LAMA3: variants seen among roughly 807,000 people sequenced by gnomAD.
LAMA3 encodes the protein laminin subunit alpha-3.
A neutral mutation model predicts 402.0 loss-of-function variants in LAMA3; 281 were observed. That is an observed-to-expected ratio of 0.70 (90% CI 0.63 to 0.77). The LOEUF (loss-of-function observed/expected upper bound fraction) is 0.77. LAMA3 is among the 30% of genes least tolerant of loss of function. The pLI, the probability that LAMA3 is intolerant of heterozygous loss-of-function variation, is 0.00. For synonymous variants in LAMA3, 1,431 were observed against 1,558.4 expected (o/e 0.92, Z 1.93); for missense variants, 3,840 against 4,215.5 (o/e 0.91, Z 2.47).
chr18:23,895,006 C>A lies in LAMA3; in HGVS notation c.5561C>A (p.Ala1854Glu). 1 of 1,612,802 alleles carries A rather than the reference C, an allele frequency of 6.2e-7. No individual in the cohort carries two copies. The highest frequency in any genetic ancestry group is 2.2e-5 in the East Asian group (1 of 44,816). ...KSQLQGLSASAGLLEQMRHME... is the reference protein window; with the variant it reads ...KSQLQGLSASEGLLEQMRHME... ...CAGCTGCAGGGCCTGAGTGCCAGCG[C>A]AGGGCTTCTGGAGCAGATGAGGCAC... The change falls in exon 44 of 75, where the codon GCA (alanine) becomes GAA (glutamate). Residue 1854 changes from alanine to glutamate, a missense_variant. By Grantham distance (107) the Ala-to-Glu change is moderately radical. Coordinates refer to ENST00000313654, the MANE Select transcript of LAMA3 (RefSeq NM_198129.4).
At chr18:23,847,355 T>C in intron 31 of LAMA3, 109 bp from the exon 32 acceptor site, 2 of 1,167,038 alleles carry the variant, frequency 1.7e-6, no homozygotes, top group Non-Finnish European at 2.5e-6. Flanking sequence ...ATCCAAATAT[T>C]TCTCTCTGAC....
chr18:23,699,082 G>T (rs1313981106), intron 1 of LAMA3, among the ~76,000 whole-genome samples: 1 of 151,842 alleles, frequency 6.6e-6, no homozygotes, highest in East Asian at 1.9e-4. Context: ...GAAAGGAGAT[G>T]ATGTTGGTGC....
At chr18:23,904,172 T>A in intron 50 of LAMA3, 85 bp downstream of exon 50, 1 of 1,522,452 alleles carries the variant, frequency 6.6e-7, no homozygotes, top group East Asian at 2.3e-5. Context: ...CTCCCCTGGG[T>A]TGGCTGGGTC....
intron 23 of LAMA3, among the ~76,000 whole-genome samples, chr18:23,833,207 A>G (rs1317482768): frequency 6.6e-6 from 1 of 152,216 alleles, no homozygotes; most frequent in Admixed American, 6.5e-5. Flanking sequence ...ATCATAGCAC[A>G]AAGACATCCC....
intron 62 of LAMA3, among the ~76,000 whole-genome samples, chr18:23,926,697 A>G (rs1335156635): frequency 1.3e-5 from 2 of 152,256 alleles, no homozygotes; most frequent in African/African-American, 4.8e-5. Context: ...TAAGAAACAC[A>G]AATATTTGCC....
At position 23,932,209 on chromosome 18, in the gene LAMA3, A is replaced by G; in HGVS notation, c.8626A>G (p.Lys2876Glu). ...DQLLRNSKRL[K>E]HISSSRQSLR... is the part of the protein sequence containing the mutation. ...GCTTCTGAGAAATAGCAAAAGGCTA[A>G]AACACATTTCAAGTTCCCGGCAGTC... Residue 2876 changes from lysine to glutamate, a missense_variant, in exon 66 of 75, where the codon AAA becomes GAA. Lys to Glu is a moderately conservative substitution (Grantham distance 56). Transcript: ENST00000313654. 6.2e-7 allele frequency: 1 copy of G among 1,614,196 alleles called. No homozygotes were observed. The highest frequency in any genetic ancestry group is 2.2e-5 in the East Asian group (1 of 44,888).
At chr18:23,776,570 T>G (rs564518307) in intron 10 of LAMA3, among the ~76,000 whole-genome samples, 1 of 152,258 alleles carries the variant, frequency 6.6e-6, no homozygotes, top group East Asian at 1.9e-4. Flanking sequence ...AGCCTGTCTC[T>G]CTGTATCACT....
intron 20 of LAMA3, among the ~76,000 whole-genome samples, chr18:23,822,942 G>A (rs866715309): frequency 9.2e-5 from 14 of 152,192 alleles, no homozygotes; most frequent in Admixed American, 9.2e-4. Context: ...GAGAAGGCCC[G>A]CAGGTCTGTT....
chr18:23,732,715 A>G (rs1163159805), intron 2 of LAMA3, among the ~76,000 whole-genome samples: 1 of 152,064 alleles, frequency 6.6e-6, no homozygotes, highest in Admixed American at 6.6e-5. Context: ...GTAGGTTTAC[A>G]TCCTTGCTTT....
chr18:23,765,147 T>A (rs994869337), intron 8 of LAMA3, among the ~76,000 whole-genome samples: 13 of 152,178 alleles, frequency 8.5e-5, no homozygotes, highest in Admixed American at 7.9e-4. Context: ...CCAAAGTTGG[T>A]CCCATGTGGT....
intron 40 of LAMA3, among the ~76,000 whole-genome samples, chr18:23,882,524 C>T (rs571674238): frequency 1.3e-5 from 2 of 151,614 alleles, no homozygotes; most frequent in African/African-American, 2.4e-5. Context: ...GCAGGAGAAT[C>T]GCTTGAACCC....
intron 44 of LAMA3, among the ~76,000 whole-genome samples, chr18:23,895,617 T>G (rs2080851124): frequency 6.6e-6 from 1 of 152,258 alleles, no homozygotes; most frequent in African/African-American, 2.4e-5. Context: ...CTTATTATCC[T>G]TTGTACATCT....
chr18:23,897,544 G>A (rs1250475674), intron 44 of LAMA3, among the ~76,000 whole-genome samples: 1 of 152,124 alleles, frequency 6.6e-6, no homozygotes, highest in Non-Finnish European at 1.5e-5. Context: ...TCCTCATGAG[G>A]AACCTAGTGT....
Position 23,749,506 on chromosome 18 carries a change from T to C in LAMA3, c.644T>C (p.Val215Ala). Residue 215 changes from valine (V) to alanine (A), a missense_variant, in exon 4 of 75, where the codon GTT becomes GCT. Val to Ala is a moderately conservative substitution (Grantham distance 64, BLOSUM62 0). Coordinates refer to ENST00000313654, the MANE Select transcript of LAMA3 (RefSeq NM_198129.4). ...ACCCGGGATGATGATGTACTTTGTGTTACTGAATATTCCCGTATTGTACCT... is the reference window on the plus strand; with the variant it reads ...ACCCGGGATGATGATGTACTTTGTGCTACTGAATATTCCCGTATTGTACCT... The part of the protein sequence containing the change: ...AVTRDDDVLC[V>A]TEYSRIVPLE... The C allele has an allele frequency of 6.2e-7, 1 of 1,612,188 alleles. No individual in the cohort carries two copies. Among genetic ancestry groups the C allele is most frequent in the African/African-American group, 1.3e-5 (1 of 75,018 alleles).
At chr18:23,788,697 C>T (rs1336300455) in intron 12 of LAMA3, among the ~76,000 whole-genome samples, 2 of 151,590 alleles carry the variant, frequency 1.3e-5, no homozygotes, top group Non-Finnish European at 2.9e-5. Flanking sequence ...ATCTTCATAA[C>T]CATAAATTAG....
At chr18:23,739,751 C>A (rs547877571) in intron 2 of LAMA3, among the ~76,000 whole-genome samples, 1 of 152,290 alleles carries the variant, frequency 6.6e-6, no homozygotes, top group East Asian at 1.9e-4. Flanking sequence ...CATTTAGAAT[C>A]TAATTTAGGA....
chr18:23,695,720 CCCAGAGG>C, intron 1 of LAMA3, among the ~76,000 whole-genome samples: 1 of 127,248 alleles, frequency 7.9e-6, no homozygotes, highest in African/African-American at 2.9e-5. Flanking sequence ...ATTGCTTGAA[CCCAGAGG>C]TGGAGGCTGC....
chr18:23,950,048 G>A lies in LAMA3; in HGVS notation c.9531G>A (p.Gly3177=), dbSNP rs781770644. The change falls in exon 72 of 75, where the codon GGG becomes GGA. Residue 3177 remains glycine (G), a synonymous_variant. Coordinates refer to ENST00000313654, the MANE Select transcript of LAMA3 (RefSeq NM_198129.4). The stretch of plus-strand genomic sequence containing the variant: ...TGAAAGCTCACTCTGTATTGTTGGG[G>A]CCAGAATTTAAGCTTGTTTTCAGCA... The part of the protein sequence containing the change: ...HVVLAHSVLL[G]PEFKLVFSIR... The A allele has an allele frequency of 1.5e-5, 25 of 1,614,058 alleles. 1 individual carries two copies. In the South Asian group the frequency reaches 2.5e-4, roughly 16 times the overall value.
intron 48 of LAMA3, among the ~76,000 whole-genome samples, 177 bp from the exon 49 acceptor site, chr18:23,902,832 G>A (rs747424021): frequency 2.9e-4 from 44 of 152,280 alleles, no homozygotes; most frequent in African/African-American, 9.6e-4. Context: ...CTATGGTGAC[G>A]TACCTCCACT....
Sources: gnomAD v4.1 joint callset for allele counts (sites outside exome capture counted in the v4.1 genomes callset) on GRCh38, gnomAD v4.1.1 for gene constraint, MANE v1.5 for transcripts, NCBI Gene and HGNC (gene_info 2026-07-23, HGNC 2026-07-21) for gene names.